Variants in SLC35F4 observed in about 807,000 individuals in gnomAD.
SLC35F4 encodes the protein solute carrier family 35 member F4.
SLC35F4 carries 24 observed loss-of-function variants against 44.2 expected under a neutral mutation model. That is an observed-to-expected ratio of 0.54 (90% CI 0.39 to 0.76). The LOEUF is 0.76. Among genes scored for constraint, SLC35F4 ranks in the 30% least tolerant of loss-of-function variants. SLC35F4 has a pLI of 0.00. For synonymous variants in SLC35F4, 238 were observed against 223.6 expected (o/e 1.06, Z -0.57); for missense variants, 562 against 586.1 (o/e 0.96, Z 0.42).
chr14:57,727,262 T>C (rs191138012), intron 1 of SLC35F4, among the ~76,000 whole-genome samples: 8 of 152,162 alleles, frequency 5.3e-5, no homozygotes, highest in Non-Finnish European at 2.9e-5. Context: ...TAAGTTGTAA[T>C]GTCTCCTTTT....
upstream of SLC35F4, among the ~76,000 whole-genome samples, chr14:57,870,211 T>C (rs1888267416): frequency 6.6e-6 from 1 of 152,062 alleles, no homozygotes; most frequent in Admixed American, 6.6e-5. Context: ...TGTCTTTGTC[T>C]CTCTGAGTCT....
intron 1 of SLC35F4, among the ~76,000 whole-genome samples, chr14:57,719,357 A>G (rs368118405): frequency 2.7e-4 from 41 of 152,262 alleles, no homozygotes; most frequent in African/African-American, 9.9e-4. Flanking sequence ...TTCTGTGAAG[A>G]CTGTCCTTGG....
At chr14:57,906,141 T>C (rs977548045) in intron 1 of SLC35F4, among the ~76,000 whole-genome samples, 8 of 152,132 alleles carry the variant, frequency 5.3e-5, no homozygotes, top group Admixed American at 2.6e-4. Flanking sequence ...TTCAAAAAAC[T>C]TTTTATCACA....
At chr14:57,650,271 A>G (rs535667514) in intron 1 of SLC35F4, among the ~76,000 whole-genome samples, 2 of 152,188 alleles carry the variant, frequency 1.3e-5, no homozygotes, top group East Asian at 1.9e-4. Flanking sequence ...AATATCTCAC[A>G]TCCAGCTTTC....
intron 1 of SLC35F4, among the ~76,000 whole-genome samples, chr14:57,667,803 T>C (rs1273006324): frequency 2.6e-5 from 4 of 151,620 alleles, no homozygotes; most frequent in African/African-American, 9.7e-5. Flanking sequence ...ATACAGTGCA[T>C]GTGTCTTTAT....
chr14:57,865,326 A>T (rs1420130534), intron 1 of SLC35F4, among the ~76,000 whole-genome samples: 2 of 142,522 alleles, frequency 1.4e-5, no homozygotes, highest in Non-Finnish European at 3.1e-5. Flanking sequence ...CCCCGCACGC[A>T]GTAGGGGCTT....
chr14:57,902,330 G>A (rs1203112519), intron 1 of SLC35F4, among the ~76,000 whole-genome samples: 2 of 152,084 alleles, frequency 1.3e-5, no homozygotes, highest in South Asian at 2.1e-4. Flanking sequence ...TTGGGAGGCC[G>A]AGGTGAGCAG....
At chr14:57,815,598 C>T (rs920014523) in intron 1 of SLC35F4, among the ~76,000 whole-genome samples, 4 of 152,122 alleles carry the variant, frequency 2.6e-5, no homozygotes, top group Non-Finnish European at 5.9e-5. Flanking sequence ...ACCCTTCTTA[C>T]TTCTACCTCT....
intron 4 of SLC35F4, chr14:57,579,572 G>A (rs1242374061): frequency 1.3e-5 from 2 of 152,174 alleles, no homozygotes; most frequent in Admixed American, 1.3e-4. Context: ...AAGAACAAAA[G>A]AGCCTCCAAA....
At chr14:57,778,396 T>A (rs1177446295) in intron 1 of SLC35F4, among the ~76,000 whole-genome samples, 1 of 151,810 alleles carries the variant, frequency 6.6e-6, no homozygotes, top group Non-Finnish European at 1.5e-5. Context: ...ATTAACTACA[T>A]AAAGATAAGG....
intron 1 of SLC35F4, among the ~76,000 whole-genome samples, chr14:57,708,125 C>G (rs548242613): frequency 3.3e-5 from 5 of 152,156 alleles, no homozygotes; most frequent in African/African-American, 4.8e-5. Flanking sequence ...TATTGTAAAA[C>G]CTAAGATCAG....
chr14:57,748,941 C>G (rs146057957), intron 1 of SLC35F4, among the ~76,000 whole-genome samples: 2 of 152,142 alleles, frequency 1.3e-5, no homozygotes, highest in Admixed American at 1.3e-4. Context: ...AGGTACTTCA[C>G]AAACACAAGG....
chr14:57,905,043 G>A (rs1889080568), intron 1 of SLC35F4, among the ~76,000 whole-genome samples: 1 of 152,188 alleles, frequency 6.6e-6, no homozygotes, highest in South Asian at 2.1e-4. Flanking sequence ...CTCATGTTAT[G>A]TGGGTCAAAA....
intron 1 of SLC35F4, among the ~76,000 whole-genome samples, chr14:57,786,329 T>C (rs925626520): frequency 2.0e-5 from 3 of 152,108 alleles, no homozygotes; most frequent in African/African-American, 7.2e-5. Flanking sequence ...TCCTTCCCTA[T>C]CCACCCTGGT....
At chr14:57,925,685 A>G (rs1889556353) in intron 1 of SLC35F4, among the ~76,000 whole-genome samples, 1 of 151,324 alleles carries the variant, frequency 6.6e-6, no homozygotes, top group Non-Finnish European at 1.5e-5. Context: ...ATTTATTCAC[A>G]TTTTTAACAG....
At chr14:57,619,058 A>G (rs538189002) in intron 1 of SLC35F4, among the ~76,000 whole-genome samples, 38 of 152,178 alleles carry the variant, frequency 2.5e-4, no homozygotes, top group African/African-American at 7.9e-4. Flanking sequence ...CTTATAGATA[A>G]AACCCCCATC....
At chr14:57,612,403 T>A (rs1331488763) in intron 1 of SLC35F4, among the ~76,000 whole-genome samples, 3 of 152,140 alleles carry the variant, frequency 2.0e-5, no homozygotes. Flanking sequence ...ACCCAGCAGT[T>A]GGGCCAACAT....
At chr14:57,941,336 G>A (rs1889912911) in intron 1 of SLC35F4, among the ~76,000 whole-genome samples, 1 of 152,088 alleles carries the variant, frequency 6.6e-6, no homozygotes, top group Non-Finnish European at 1.5e-5. Context: ...AAATATAATA[G>A]GATATTATTC....
In SLC35F4 at chr14:57,866,026, C is replaced by T. The variant is rs1034670279; in HGVS notation, c.-201G>A. 8 of 324,764 alleles carry T rather than the reference C, an allele frequency of 2.5e-5. No homozygotes were observed. Among genetic ancestry groups the T allele is most frequent in the Non-Finnish European group, 4.3e-5 (8 of 184,262 alleles). 20.1% of individuals were successfully genotyped at this position (324,764 alleles called of 1,614,324 possible). On this transcript the variant is annotated 5_prime_UTR_variant, in exon 1 of 8. The change creates a new upstream start codon in the 5' untranslated region. Transcript: ENST00000556826. ...GGCGGCGGCGGCGGAGCGGCCCCCA[C>T]TCGGGCCGGCCTCTCCGTCAGCCTG... is the stretch of plus-strand genomic sequence containing the variant.
Sources: allele counts gnomAD v4.1 joint callset (sites outside exome capture counted in the v4.1 genomes callset), GRCh38; gene constraint gnomAD v4.1.1; transcripts MANE v1.5; gene names NCBI Gene and HGNC (gene_info 2026-07-23, HGNC 2026-07-21).